The following SHISAL2A variants were observed in gnomAD, a reference collection of about 807,000 sequenced individuals.
SHISAL2A encodes shisa like 2A.
A neutral mutation model predicts 11.5 loss-of-function variants in SHISAL2A; 18 were observed. The ratio of observed to expected loss-of-function variants is 1.57; its 90% CI spans 1.08 to 2.33. The LOEUF (loss-of-function observed/expected upper bound fraction) is 2.33. Among genes scored for constraint, SHISAL2A ranks in the 30% most tolerant of loss-of-function variants. The pLI is 0.00. For missense variants in SHISAL2A, 261 were observed against 250.9 expected (o/e 1.04, Z -0.27); for synonymous variants, 94 against 99.6 (o/e 0.94, Z 0.34).
At chr1:52,654,258 T>TAGATAGATAGATAGATAGAC (rs1305001656) in intron 2 of SHISAL2A, among the ~76,000 whole-genome samples, 2,090 of 151,028 alleles carry the variant, frequency 0.014, 54 homozygotes, top group African/African-American at 0.048. Context: ...GATAGATAGA[T>TAGATAGATAGATAGATAGAC]AGACAGATAG....
downstream of SHISAL2A, among the ~76,000 whole-genome samples, chr1:52,660,534 G>C (rs1691888201): frequency 6.6e-6 from 1 of 152,106 alleles, no homozygotes; most frequent in African/African-American, 2.4e-5. Context: ...CACATCGACC[G>C]GCAATTATTT....
At chr1:52,650,619 T>C (rs1691613208) in intron 2 of SHISAL2A, among the ~76,000 whole-genome samples, 1 of 150,546 alleles carries the variant, frequency 6.6e-6, no homozygotes. Context: ...ATCTCAAACA[T>C]ACCATTTTCT....
chr1:52,661,394 G>C (rs1476107445), downstream of SHISAL2A, among the ~76,000 whole-genome samples: 2 of 152,276 alleles, frequency 1.3e-5, no homozygotes, highest in East Asian at 3.9e-4. Context: ...GAAATGACTT[G>C]GGCCCTAGAC....
intron 2 of SHISAL2A, among the ~76,000 whole-genome samples, chr1:52,644,054 C>G (rs1445571885): frequency 3.3e-5 from 5 of 152,092 alleles, no homozygotes; most frequent in African/African-American, 7.2e-5. Context: ...ATGAGAAAAG[C>G]AAGACTGAAA....
chr1:52,643,090 T>C, intron 2 of SHISAL2A, 88 bp downstream of exon 2: 1 of 1,367,402 alleles, frequency 7.3e-7, no homozygotes, highest in Non-Finnish European at 1.0e-6. Context: ...GTTTGGAACA[T>C]TTGCCTCATG....
chr1:52,667,934 A>G (rs1692043018), intron 5 of SHISAL2A, among the ~76,000 whole-genome samples: 4 of 152,278 alleles, frequency 2.6e-5, no homozygotes, highest in Admixed American at 2.0e-4. Flanking sequence ...CCAGTTTAGT[A>G]AGCATTCCCC....
rs1691799073 is a variant in SHISAL2A, at chr1:52,656,802, T to A, written c.335T>A (p.Val112Asp). ...LSLQTAGPEE[V>D]SPDCQGVNTG... Reference sequence around the variant, plus strand: ...TGCTGTTTTCCAGGCCCTGAGGAGGTTTCTCCTGACTGCCAAGGTGTGAAC... The same window carrying A: ...TGCTGTTTTCCAGGCCCTGAGGAGGATTCTCCTGACTGCCAAGGTGTGAAC... Residue 112 changes from valine (V) to aspartate (D), a missense_variant, in exon 3 of 3, where the codon GTT becomes GAT. Val to Asp is a radical substitution (Grantham distance 152, BLOSUM62 -3). Transcript: ENST00000517870. 2.5e-6 allele frequency: 4 copies of A among 1,608,518 alleles called. No homozygotes were observed. Among genetic ancestry groups the A allele is most frequent in the African/African-American group, 2.7e-5 (2 of 74,682 alleles).
chr1:52,642,519 G>A (rs1304248364), intron 1 of SHISAL2A, among the ~76,000 whole-genome samples: 4 of 150,322 alleles, frequency 2.7e-5, no homozygotes, highest in Non-Finnish European at 4.4e-5. Flanking sequence ...TCCGCCTCCC[G>A]AGTTCAAGTG....
chr1:52,650,545 C>T (rs1380191450), intron 2 of SHISAL2A, among the ~76,000 whole-genome samples: 2 of 151,498 alleles, frequency 1.3e-5, no homozygotes, highest in Admixed American at 6.6e-5. Flanking sequence ...ACATAGTAGG[C>T]TTTTAACAAT....
At chr1:52,644,552 CT>C (rs1691450590) in intron 2 of SHISAL2A, among the ~76,000 whole-genome samples, 1 of 151,658 alleles carries the variant, frequency 6.6e-6, no homozygotes, top group Non-Finnish European at 1.5e-5. Flanking sequence ...TGGCAAAACC[CT>C]GTCTCTACTA....
chr1:52,643,640 G>T (rs1691422417), intron 2 of SHISAL2A, among the ~76,000 whole-genome samples: 1 of 152,174 alleles, frequency 6.6e-6, no homozygotes, highest in Non-Finnish European at 1.5e-5. Flanking sequence ...GGATCATGAG[G>T]TCAGGAGTTC....
At chr1:52,642,756 A>C in intron 1 of SHISAL2A, 107 bp from the exon 2 acceptor site, 1 of 1,178,636 alleles carries the variant, frequency 8.5e-7, no homozygotes, top group Admixed American at 2.1e-5. Flanking sequence ...TATTCTGTAC[A>C]TTTTCTTCCC....
chr1:52,641,006 G>A (rs1001143025), intron 1 of SHISAL2A, among the ~76,000 whole-genome samples: 1 of 152,130 alleles, frequency 6.6e-6, no homozygotes, highest in Non-Finnish European at 1.5e-5. Flanking sequence ...ATAAAATCCC[G>A]AAGACAGGGT....
At chr1:52,653,229 G>T (rs570839957) in intron 2 of SHISAL2A, among the ~76,000 whole-genome samples, 1 of 136,966 alleles carries the variant, frequency 7.3e-6, no homozygotes, top group African/African-American at 2.8e-5. Flanking sequence ...CTGGAGGATC[G>T]CTTGAGCCCA....
At chr1:52,664,945 C>T (rs551861425) in intron 4 of SHISAL2A, among the ~76,000 whole-genome samples, 2 of 152,172 alleles carry the variant, frequency 1.3e-5, no homozygotes, top group Non-Finnish European at 2.9e-5. Flanking sequence ...CACACCACCA[C>T]GCCTAGCTAA....
rs886570051 is a variant in SHISAL2A, at chr1:52,645,060, C to T, written c.322+2058C>T. ...GAAGAAGAAGAAGAAGTAAGGGTGACAGGAGGCATCGGGGAGGTAGAAGGG... is the reference window on the plus strand; with the variant it reads ...GAAGAAGAAGAAGAAGTAAGGGTGATAGGAGGCATCGGGGAGGTAGAAGGG... On this transcript the variant is annotated intron_variant, in intron 2 of 2. Transcript: ENST00000517870. Among the ~76,000 whole-genome samples the T allele has an allele frequency of 2.0e-5, 3 of 150,962 alleles. No individual in the cohort carries two copies. In the East Asian group the frequency reaches 5.8e-4, roughly 29 times the overall value.
chr1:52,639,684 C>T (rs984842748), intron 1 of SHISAL2A, among the ~76,000 whole-genome samples: 17 of 151,850 alleles, frequency 1.1e-4, no homozygotes, highest in Middle Eastern at 3.2e-3. Flanking sequence ...ACCTGGGAGG[C>T]GGAGCTTGCA....
chr1:52,654,837 G>A (rs1691755550), intron 2 of SHISAL2A, among the ~76,000 whole-genome samples: 1 of 152,310 alleles, frequency 6.6e-6, no homozygotes, highest in African/African-American at 2.4e-5. Context: ...CCTGTTAAGA[G>A]GATGAAAAGG....
At chr1:52,662,783 C>G (rs1303922648) in intron 4 of SHISAL2A, among the ~76,000 whole-genome samples, 1 of 152,056 alleles carries the variant, frequency 6.6e-6, no homozygotes, top group African/African-American at 2.4e-5. Flanking sequence ...GTCCTGGGCT[C>G]TAGGAACAAA....
Sources: gnomAD v4.1 joint callset for allele counts (sites outside exome capture counted in the v4.1 genomes callset) on GRCh38, gnomAD v4.1.1 for gene constraint, MANE v1.5 for transcripts, NCBI Gene and HGNC (gene_info 2026-07-23, HGNC 2026-07-21) for gene names.